Variants in ACVR2A observed in about 807,000 individuals in gnomAD.
The protein encoded by ACVR2A is activin A receptor type 2A.
ACVR2A carries 7 observed loss-of-function variants against 61.4 expected under a neutral mutation model. The ratio of observed to expected loss-of-function variants is 0.11; its 90% confidence interval spans 0.06 to 0.21. The LOEUF (loss-of-function observed/expected upper bound fraction) is 0.21. Among genes scored for constraint, ACVR2A ranks in the 10% least tolerant of loss-of-function variants. ACVR2A has a pLI of 1.00. For synonymous variants in ACVR2A, 193 were observed against 208.3 expected, an observed-to-expected ratio of 0.93 and a Z score of 0.63; for missense variants, 322 against 621.7, an observed-to-expected ratio of 0.52 and a Z score of 5.13.
intron 1 of ACVR2A, among the ~76,000 whole-genome samples, chr2:147,885,887 A>G (rs1273051984): frequency 6.6e-6 from 1 of 152,176 alleles, no homozygotes; most frequent in Non-Finnish European, 1.5e-5. Context: ...TCAAATTGGT[A>G]AAAATTTAAA....
At chr2:147,882,731 T>C (rs1686337124) in intron 1 of ACVR2A, among the ~76,000 whole-genome samples, 1 of 152,166 alleles carries the variant, frequency 6.6e-6, no homozygotes. Flanking sequence ...AATAGAAATA[T>C]ATTACTTTAG....
chr2:147,918,320 T>C (rs1045555259), intron 6 of ACVR2A, 127 bp from the exon 7 acceptor site: 2 of 726,696 alleles, frequency 2.8e-6, no homozygotes, highest in Non-Finnish European at 4.2e-6. Context: ...TCCAGAAAGA[T>C]TGTTTCTTGG....
chr2:147,918,015 G>C (rs1687288865), intron 6 of ACVR2A, among the ~76,000 whole-genome samples: 1 of 151,764 alleles, frequency 6.6e-6, no homozygotes, highest in African/African-American at 2.4e-5. Flanking sequence ...TTGACCTAAA[G>C]GACAACAATA....
chr2:147,885,835 A>T (rs917299910), intron 1 of ACVR2A, among the ~76,000 whole-genome samples: 5 of 152,276 alleles, frequency 3.3e-5, no homozygotes, highest in African/African-American at 1.2e-4. Context: ...TAATAAAAGT[A>T]TATATTGGAC....
At chr2:147,920,127 CTA>C (rs1411280249) in intron 7 of ACVR2A, 101 bp from the exon 8 acceptor site, 9 of 716,032 alleles carry the variant, frequency 1.3e-5, no homozygotes, top group Admixed American at 2.8e-5. Context: ...TTTTAAGTAA[CTA>C]TTTTTTCATA....
At chr2:147,906,911 A>G (rs899826981) in intron 4 of ACVR2A, among the ~76,000 whole-genome samples, 1 of 146,962 alleles carries the variant, frequency 6.8e-6, no homozygotes, top group Admixed American at 6.9e-5. Context: ...CCATGGTGGT[A>G]TGCTGCACCT....
At position 147,879,018 on chromosome 2, in the gene ACVR2A, C is replaced by A. The variant is rs138742680; in HGVS notation, c.56-17283C>A. ...AGTTTAGAGAATAGTATGATAGTTT[C>A]TTGGGAGTAGACCATATGGTAAATG... On this transcript the variant is annotated intron_variant, in intron 1 of 10. Transcript: ENST00000241416. 3.8e-3 allele frequency among the ~76,000 whole-genome samples: 581 copies of A among 152,152 alleles called. 4 individuals carry two copies. Among genetic ancestry groups the A allele is most frequent in the African/African-American group, 0.013 (547 of 41,510 alleles).
chr2:147,848,165 G>A (rs1685359260), intron 1 of ACVR2A, among the ~76,000 whole-genome samples: 1 of 152,202 alleles, frequency 6.6e-6, no homozygotes, highest in Non-Finnish European at 1.5e-5. Flanking sequence ...AACAAGTGAT[G>A]GATGATAAAT....
chr2:147,879,501 A>G (rs542835917), intron 1 of ACVR2A, among the ~76,000 whole-genome samples: 1 of 152,300 alleles, frequency 6.6e-6, no homozygotes, highest in African/African-American at 2.4e-5. Flanking sequence ...ACATTTTCTC[A>G]ATGTTTAAGT....
intron 9 of ACVR2A, chr2:147,925,770 C>A (rs964224912): frequency 1.7e-5 from 6 of 345,786 alleles, no homozygotes; most frequent in Non-Finnish European, 2.1e-5. Flanking sequence ...TGGAAATAGG[C>A]ATCCTTTATA....
intron 1 of ACVR2A, among the ~76,000 whole-genome samples, chr2:147,850,793 G>C (rs953419340): frequency 2.0e-5 from 3 of 152,136 alleles, no homozygotes; most frequent in Non-Finnish European, 4.4e-5. Flanking sequence ...TAGATTTCTT[G>C]TTAGTCACTT....
At chr2:147,902,423 T>G (rs1351414713) in intron 4 of ACVR2A, among the ~76,000 whole-genome samples, 1 of 152,006 alleles carries the variant, frequency 6.6e-6, no homozygotes, top group Admixed American at 6.6e-5. Flanking sequence ...TTCAGTAAAC[T>G]TTTCTGCCAT....
chr2:147,852,943 A>G (rs1246903561), intron 1 of ACVR2A, among the ~76,000 whole-genome samples: 1 of 152,060 alleles, frequency 6.6e-6, no homozygotes, highest in Non-Finnish European at 1.5e-5. Flanking sequence ...GGACAATCTC[A>G]GGGGGTTAAC....
At chr2:147,906,345 A>G (rs1236577047) in intron 4 of ACVR2A, among the ~76,000 whole-genome samples, 3 of 152,116 alleles carry the variant, frequency 2.0e-5, no homozygotes, top group Non-Finnish European at 2.9e-5. Context: ...TGCTGTGTGT[A>G]TGGTAAAAGT....
At chr2:147,905,686 A>G (rs1686972412) in intron 4 of ACVR2A, among the ~76,000 whole-genome samples, 1 of 152,002 alleles carries the variant, frequency 6.6e-6, no homozygotes, top group Non-Finnish European at 1.5e-5. Flanking sequence ...AACTTACTTT[A>G]AATATATACT....
chr2:147,909,781 G>A (rs1214320014), intron 4 of ACVR2A, among the ~76,000 whole-genome samples: 4 of 152,014 alleles, frequency 2.6e-5, no homozygotes, highest in African/African-American at 9.7e-5. Context: ...GGGACCACAG[G>A]CATATGCAAC....
intron 2 of ACVR2A, 135 bp downstream of exon 2, chr2:147,896,643 C>T (rs987998096): frequency 6.7e-5 from 48 of 719,742 alleles, no homozygotes; most frequent in Non-Finnish European, 9.8e-5. Context: ...TTATAAAGAA[C>T]ATTATAACAT....
chr2:147,907,544 T>G (rs538760451), intron 4 of ACVR2A, among the ~76,000 whole-genome samples: 40 of 152,316 alleles, frequency 2.6e-4, no homozygotes, highest in Non-Finnish European at 5.4e-4. Flanking sequence ...CTGACTGTTG[T>G]GAGATGCTAT....
At chr2:147,879,893 A>G (rs7560502) in intron 1 of ACVR2A, among the ~76,000 whole-genome samples, 3 of 152,094 alleles carry the variant, frequency 2.0e-5, no homozygotes, top group Non-Finnish European at 2.9e-5. Flanking sequence ...CCTTCCAGTG[A>G]TACTCACATT....
Sources: gnomAD v4.1 joint callset for allele counts (sites outside exome capture counted in the v4.1 genomes callset) on GRCh38, gnomAD v4.1.1 for gene constraint, MANE v1.5 for transcripts, NCBI Gene and HGNC (gene_info 2026-07-23, HGNC 2026-07-21) for gene names.